The following GLRA3 variants were observed in gnomAD, a reference collection of about 807,000 sequenced individuals.
The protein encoded by GLRA3 is glycine receptor alpha 3, also known as glycine receptor subunit alpha-3.
A neutral mutation model predicts 60.4 loss-of-function variants in GLRA3; 44 were observed. The observed-to-expected ratio is 0.73, with a 90% CI of 0.57 to 0.94. The LOEUF (loss-of-function observed/expected upper bound fraction) is 0.94. GLRA3 is among the 40% of genes least tolerant of loss of function. The probability of loss-of-function intolerance (pLI) is 0.00; values close to 1 mark genes in which losing one functional copy is unlikely to be tolerated. For synonymous variants in GLRA3, 223 were observed against 192.9 expected (o/e 1.16, Z -1.29); for missense variants, 508 against 564.6 (o/e 0.90, Z 1.02).
intron 5 of GLRA3, among the ~76,000 whole-genome samples, chr4:174,684,966 C>T (rs1027025895): frequency 3.3e-5 from 5 of 152,060 alleles, no homozygotes; most frequent in African/African-American, 1.2e-4. Flanking sequence ...CTGAGATCGA[C>T]CATTGCACTC....
chr4:174,821,498 G>A (rs78884065), intron 1 of GLRA3, among the ~76,000 whole-genome samples: 17,099 of 151,858 alleles, frequency 0.11, 1,138 homozygotes, highest in East Asian at 0.28. Context: ...AAGGTGGGTG[G>A]GCAGAAGTTT....
chr4:174,793,555 C>G (rs1435975499), intron 1 of GLRA3, among the ~76,000 whole-genome samples: 1 of 151,842 alleles, frequency 6.6e-6, no homozygotes, highest in Non-Finnish European at 1.5e-5. Flanking sequence ...TGGGCTTAAG[C>G]GATCCTCCTG....
intron 4 of GLRA3, among the ~76,000 whole-genome samples, chr4:174,727,659 T>C (rs13116864): frequency 0.16 from 24,811 of 152,140 alleles, 2,469 homozygotes; most frequent in South Asian, 0.23. Flanking sequence ...ATCAAATATA[T>C]CATGTAAGTA....
intron 7 of GLRA3, among the ~76,000 whole-genome samples, chr4:174,662,092 G>A (rs1015288592): frequency 1.3e-5 from 2 of 152,048 alleles, no homozygotes; most frequent in Admixed American, 6.6e-5. Flanking sequence ...ATTAGTTTCC[G>A]CTCTTATTGT....
intron 1 of GLRA3, among the ~76,000 whole-genome samples, chr4:174,792,456 C>A (rs1739390857): frequency 6.6e-6 from 1 of 152,010 alleles, no homozygotes; most frequent in Admixed American, 6.6e-5. Flanking sequence ...AGGTAACAGA[C>A]CTTACCTCCA....
intron 3 of GLRA3, among the ~76,000 whole-genome samples, chr4:174,759,320 T>TA (rs11358316): frequency 4.2e-4 from 64 of 151,856 alleles, no homozygotes; most frequent in African/African-American, 1.5e-3. Context: ...AATGAAGTGT[T>TA]AAAAAATAAC....
chr4:174,640,562 T>C lies in GLRA3; in HGVS notation c.*3224A>G, dbSNP rs1212187389. The C allele has an allele frequency of 1.3e-5, 2 of 152,088 alleles. No individual in the cohort carries two copies. Among genetic ancestry groups the C allele is most frequent in the Admixed American group, 6.6e-5 (1 of 15,240 alleles). 9.4% of individuals were successfully genotyped at this position (152,088 alleles called of 1,614,324 possible). A position where few individuals can be genotyped will look rare whatever the true frequency, so the allele number is the denominator to read the frequency against. ...TATGGAAGATACATCTAAATCTTTTTTCAAATATTATAACTACTTAAGTTG... is the reference window on the plus strand; with the variant it reads ...TATGGAAGATACATCTAAATCTTTTCTCAAATATTATAACTACTTAAGTTG... On this transcript the variant is annotated 3_prime_UTR_variant, in exon 10 of 10. Transcript: ENST00000274093.
Position 174,642,476 on chromosome 4 carries a change from AG to A in GLRA3, c.*1309del. On this transcript the variant is annotated 3_prime_UTR_variant, in exon 10 of 10. Transcript: ENST00000274093. Reference sequence around the variant, plus strand: ...GTTAAAAAAATAGCAAAACTGAAAAAGAGTCAGAGTCTGGTTCTGTTTACCA... The same window carrying A: ...GTTAAAAAAATAGCAAAACTGAAAAAAGTCAGAGTCTGGTTCTGTTTACCA... The A allele has an allele frequency of 1.0e-6, 1 of 977,122 alleles. No homozygotes were observed. 60.5% of individuals were successfully genotyped at this position (977,122 alleles called of 1,614,324 possible).
intron 1 of GLRA3, among the ~76,000 whole-genome samples, chr4:174,814,376 AT>A (rs904667466): frequency 1.4e-4 from 21 of 152,154 alleles, no homozygotes; most frequent in African/African-American, 5.1e-4. Context: ...CCTGAGCGAA[AT>A]TTTCTTCAAA....
intron 2 of GLRA3, among the ~76,000 whole-genome samples, chr4:174,785,936 GTTTTT>G (rs752488665): frequency 2.9e-5 from 3 of 103,478 alleles, no homozygotes; most frequent in Non-Finnish European, 3.8e-5. Flanking sequence ...TGCCTGGCTA[GTTTTT>G]TTTTTTTTTT....
intron 4 of GLRA3, among the ~76,000 whole-genome samples, chr4:174,722,180 T>C (rs1246320476): frequency 6.6e-6 from 1 of 152,140 alleles, no homozygotes; most frequent in Non-Finnish European, 1.5e-5. Flanking sequence ...CTTATTTTGT[T>C]GGTATGATGC....
chr4:174,784,436 G>C (rs1464065353), intron 2 of GLRA3, among the ~76,000 whole-genome samples: 1 of 145,508 alleles, frequency 6.9e-6, no homozygotes, highest in African/African-American at 2.6e-5. Context: ...CCTGCACAAT[G>C]TGCACATGTA....
At chr4:174,653,828 G>C (rs1733104116) in intron 9 of GLRA3, among the ~76,000 whole-genome samples, 1 of 152,010 alleles carries the variant, frequency 6.6e-6, no homozygotes, top group East Asian at 1.9e-4. Context: ...AATTTGAACA[G>C]AGATTATATT....
At chr4:174,808,716 A>G (rs1463661048) in intron 1 of GLRA3, among the ~76,000 whole-genome samples, 1 of 152,022 alleles carries the variant, frequency 6.6e-6, no homozygotes, top group African/African-American at 2.4e-5. Context: ...GAAGATGGTG[A>G]TAGTGATAAT....
chr4:174,788,881 T>A lies in GLRA3; in HGVS notation c.134A>T (p.Asp45Val), dbSNP rs566303100. 1 of 1,609,820 alleles carries A rather than the reference T, an allele frequency of 6.2e-7. No homozygotes were observed. The highest frequency in any genetic ancestry group is 2.2e-5 in the East Asian group (1 of 44,704). The stretch of plus-strand genomic sequence containing the variant: ...CCTGCCCATTAATTTATCCAGAAAA[T>A]CAGAAGGTGACATTGGAGCACTTCG... Reference protein sequence around the residue: ...RSRSAPMSPSDFLDKLMGRTS... With the variant: ...RSRSAPMSPSVFLDKLMGRTS... Residue 45 changes from aspartate (D) to valine (V), a missense_variant, in exon 2 of 10, where the codon GAT becomes GTT. Asp to Val is a radical substitution (Grantham distance 152, BLOSUM62 -3). This residue lies in a region of GLRA3 where 329 missense variants were observed against 349.3 expected (regional missense o/e 0.94). Transcript: ENST00000274093.
intron 5 of GLRA3, among the ~76,000 whole-genome samples, chr4:174,687,832 A>G (rs1169475075): frequency 5.9e-5 from 9 of 152,198 alleles, no homozygotes. Flanking sequence ...CAAAATGACC[A>G]AAACATGTTT....
chr4:174,811,558 A>AG (rs1178139793), intron 1 of GLRA3, among the ~76,000 whole-genome samples: 1 of 152,186 alleles, frequency 6.6e-6, no homozygotes, highest in Admixed American at 6.5e-5. Context: ...TATAGGCCAT[A>AG]GGTTATATCA....
At chr4:174,761,596 T>A (rs1436392605) in intron 3 of GLRA3, among the ~76,000 whole-genome samples, 4 of 152,206 alleles carry the variant, frequency 2.6e-5, no homozygotes, top group African/African-American at 7.2e-5. Flanking sequence ...TTGATTTAAA[T>A]CACATAGCAG....
chr4:174,746,203 C>T (rs543700945), intron 3 of GLRA3, among the ~76,000 whole-genome samples: 6 of 152,236 alleles, frequency 3.9e-5, no homozygotes, highest in South Asian at 2.1e-4. Flanking sequence ...GTACGTTTAT[C>T]ACAGCACTAT....
Sources: gnomAD v4.1 joint callset for allele counts (sites outside exome capture counted in the v4.1 genomes callset) on GRCh38, gnomAD v4.1.1 for gene constraint, gnomAD v4.1.1 regional missense constraint, MANE v1.5 for transcripts, NCBI Gene and HGNC (gene_info 2026-07-23, HGNC 2026-07-21) for gene names.